The following TBC1D31 variants were observed in gnomAD, a reference collection of about 807,000 sequenced individuals.
TBC1D31 encodes TBC1 domain family member 31, also known as WD repeat domain 67.
TBC1D31 carries 99 observed loss-of-function variants against 132.9 expected under a neutral mutation model. The ratio of observed to expected loss-of-function variants is 0.74; its 90% CI spans 0.63 to 0.88. The LOEUF is 0.88. TBC1D31 is among the 40% of genes least tolerant of loss of function. The pLI, the probability that TBC1D31 is intolerant of heterozygous loss-of-function variation, is 0.00. For synonymous variants in TBC1D31, 385 were observed against 419.4 expected (o/e 0.92, Z 1.00); for missense variants, 1,134 against 1,256.6 (o/e 0.90, Z 1.48).
chr8:123,092,808 A>ATTT (rs71573666), intron 4 of TBC1D31, among the ~76,000 whole-genome samples: 11 of 103,526 alleles, frequency 1.1e-4, no homozygotes, highest in African/African-American at 4.1e-4. Flanking sequence ...CACCCGGCTA[A>ATTT]TTTTTTTTTT....
Position 123,128,423 on chromosome 8 carries a change from T to G in TBC1D31, c.2027T>G (p.Val676Gly), listed in dbSNP as rs1820293912. Residue 676 changes from valine (V) to glycine (G), a missense_variant, in exon 14 of 22, where the codon GTA becomes GGA. Val to Gly is a moderately radical substitution (Grantham distance 109). Transcript: ENST00000287380. Reference protein sequence around the residue: ...FVALTKGQYPVFNQYPKFIVD... With the variant: ...FVALTKGQYPGFNQYPKFIVD... ...GCACTGACAAAAGGGCAGTATCCAG[T>G]ATTTAATCAATATCCAAAGTTTATT... is the stretch of plus-strand genomic sequence containing the variant. 1.9e-6 allele frequency: 3 copies of G among 1,613,782 alleles called. No homozygotes were observed. Among genetic ancestry groups the G allele is most frequent in the Non-Finnish European group, 2.5e-6 (3 of 1,179,808 alleles).
At chr8:123,132,804 G>A (rs972343741) in intron 16 of TBC1D31, among the ~76,000 whole-genome samples, 1 of 152,074 alleles carries the variant, frequency 6.6e-6, no homozygotes, top group African/African-American at 2.4e-5. Flanking sequence ...TTTTAAATTG[G>A]TTTTCAAAAT....
At chr8:123,105,506 T>G in intron 8 of TBC1D31, 42 bp downstream of exon 8, 2 of 1,528,576 alleles carry the variant, frequency 1.3e-6, no homozygotes, top group South Asian at 2.4e-5. Flanking sequence ...GATTCTGCTG[T>G]AGACAAGTCT....
chr8:123,156,797 TCCC>T (rs1823001695), downstream of TBC1D31, among the ~76,000 whole-genome samples: 2 of 152,116 alleles, frequency 1.3e-5, no homozygotes, highest in African/African-American at 4.8e-5. Context: ...TGCCTACCCA[TCCC>T]GCAGCTCCCT....
intron 2 of TBC1D31, among the ~76,000 whole-genome samples, chr8:123,081,657 A>T (rs1347310939): frequency 6.6e-6 from 1 of 152,262 alleles, no homozygotes; most frequent in East Asian, 1.9e-4. Flanking sequence ...AAAGAAAAAG[A>T]GGTTTAATGG....
intron 4 of TBC1D31, among the ~76,000 whole-genome samples, chr8:123,088,333 G>A (rs1224775393): frequency 1.3e-5 from 2 of 152,076 alleles, no homozygotes; most frequent in Non-Finnish European, 2.9e-5. Flanking sequence ...TTTAAAGCCA[G>A]GTACCCAGCT....
At chr8:123,097,219 G>A in intron 5 of TBC1D31, 63 bp from the exon 6 acceptor site, 1 of 1,569,954 alleles carries the variant, frequency 6.4e-7, no homozygotes, top group Non-Finnish European at 8.7e-7. Context: ...AGAAAGTTCT[G>A]TCGGACAGTG....
chr8:123,126,735 C>T (rs745720122), intron 13 of TBC1D31, 48 bp downstream of exon 13: 1 of 1,500,674 alleles, frequency 6.7e-7, no homozygotes, highest in Non-Finnish European at 9.0e-7. Context: ...TCAGTTATTT[C>T]TCTCTATTTT....
intron 10 of TBC1D31, among the ~76,000 whole-genome samples, chr8:123,112,880 C>T (rs1248977193): frequency 6.6e-6 from 1 of 152,194 alleles, no homozygotes. Flanking sequence ...TGCTTCCTGT[C>T]TGTGTGTAAG....
intron 10 of TBC1D31, among the ~76,000 whole-genome samples, chr8:123,117,492 C>G (rs569682399): frequency 1.3e-5 from 2 of 152,076 alleles, no homozygotes; most frequent in Admixed American, 1.3e-4. Context: ...TGGTGGCTCA[C>G]GCCTGTAATC....
chr8:123,131,778 A>G (rs1820657896), intron 16 of TBC1D31, among the ~76,000 whole-genome samples: 1 of 152,178 alleles, frequency 6.6e-6, no homozygotes, highest in South Asian at 2.1e-4. Context: ...TTAAGTCTGT[A>G]AGAGTACCCA....
At chr8:123,080,913 A>T (rs1221411159) in intron 2 of TBC1D31, among the ~76,000 whole-genome samples, 4 of 152,134 alleles carry the variant, frequency 2.6e-5, no homozygotes, top group African/African-American at 9.7e-5. Flanking sequence ...GATGTTCGGG[A>T]TGGCATATTC....
Position 123,109,400 on chromosome 8 carries a change from C to A in TBC1D31, c.1289+4C>A. The A allele has an allele frequency of 6.2e-7, 1 of 1,608,068 alleles. No homozygotes were observed. On this transcript the variant is annotated splice_donor_region_variant and intron_variant, in intron 9 of 21. Coordinates refer to ENST00000287380, the MANE Select transcript of TBC1D31 (RefSeq NM_145647.4). The stretch of plus-strand genomic sequence containing the variant: ...GTGAATATCCAACAAAATACAGGTA[C>A]AATTTAAATTCTGTATGTTACATCA...
chr8:123,163,537 G>T, the TBC1D31 span, among the ~76,000 whole-genome samples: 1 of 151,244 alleles, frequency 6.6e-6, no homozygotes, highest in East Asian at 2.0e-4. Context: ...GTTAATTTTT[G>T]TATTTTTTGC....
At chr8:123,147,641 A>G (rs983996243) in intron 20 of TBC1D31, among the ~76,000 whole-genome samples, 3 of 152,138 alleles carry the variant, frequency 2.0e-5, no homozygotes, top group Non-Finnish European at 2.9e-5. Flanking sequence ...TTGGCAGACC[A>G]GTCAGCCATG....
the TBC1D31 span, among the ~76,000 whole-genome samples, chr8:123,157,216 A>C: frequency 6.6e-6 from 1 of 152,156 alleles, no homozygotes; most frequent in South Asian, 2.1e-4. Flanking sequence ...TACGGACAGC[A>C]AACAAAATTA....
At chr8:123,085,656 G>A (rs140636664) in intron 4 of TBC1D31, among the ~76,000 whole-genome samples, 213 of 152,154 alleles carry the variant, frequency 1.4e-3, no homozygotes, top group African/African-American at 4.1e-3. Context: ...TGATCCACCC[G>A]CCTTAGCCTC....
intron 1 of TBC1D31, among the ~76,000 whole-genome samples, chr8:123,076,655 T>A (rs1397338915): frequency 6.6e-6 from 1 of 152,166 alleles, no homozygotes; most frequent in Non-Finnish European, 1.5e-5. Flanking sequence ...GTAGATACAT[T>A]AGAAATGGAA....
intron 5 of TBC1D31, 78 bp from the exon 6 acceptor site, chr8:123,097,204 A>G (rs1024275327): frequency 1.4e-4 from 203 of 1,482,560 alleles, no homozygotes; most frequent in Non-Finnish European, 1.7e-4. Flanking sequence ...CATTTCTGTC[A>G]TCATAGAAAG....
Sources: allele counts gnomAD v4.1 joint callset (sites outside exome capture counted in the v4.1 genomes callset), GRCh38; gene constraint gnomAD v4.1.1; transcripts MANE v1.5; gene names NCBI Gene and HGNC (gene_info 2026-07-23, HGNC 2026-07-21).